The following EDA variants were observed in gnomAD, a reference collection of about 807,000 sequenced individuals.
The protein encoded by EDA is ectodysplasin-A.
Under a neutral mutation model 23.6 loss-of-function variants are expected in EDA, and 2 were observed. The observed-to-expected ratio is 0.08, with a 90% CI of 0.03 to 0.27. The LOEUF (loss-of-function observed/expected upper bound fraction) is 0.27, where lower values mean the gene tolerates loss of function less well. EDA is among the 10% of genes least tolerant of loss of function. The probability of loss-of-function intolerance (pLI) is 1.00; values close to 1 mark genes in which losing one functional copy is unlikely to be tolerated. For missense variants in EDA, 229 were observed against 324.2 expected, an observed-to-expected ratio of 0.71 and a Z score of 2.26; for synonymous variants, 131 against 132.0, an observed-to-expected ratio of 0.99 and a Z score of 0.05.
chrX:69,995,494 T>G (rs901748456), intron 2 of EDA, among the ~76,000 whole-genome samples: 1 of 111,675 alleles, frequency 9.0e-6, no homozygotes, highest in African/African-American at 3.3e-5. Context: ...CAATTGGCTG[T>G]TTTTCTTTTT....
At chrX:69,791,528 G>T (rs181400834) in intron 1 of EDA, among the ~76,000 whole-genome samples, 1 of 112,133 alleles carries the variant, frequency 8.9e-6, no homozygotes, top group East Asian at 2.8e-4. Flanking sequence ...TAGAAAATAA[G>T]TGTGATATTC....
At chrX:69,817,897 C>G (rs2016117703) in intron 1 of EDA, among the ~76,000 whole-genome samples, 1 of 111,810 alleles carries the variant, frequency 8.9e-6, no homozygotes, top group Admixed American at 9.5e-5. Flanking sequence ...ACAGAACTCT[C>G]CACCTCAAAA....
At chrX:69,829,274 G>T (rs1239391578) in intron 1 of EDA, among the ~76,000 whole-genome samples, 2 of 111,218 alleles carry the variant, frequency 1.8e-5, no homozygotes, top group Non-Finnish European at 3.8e-5. Context: ...CACATTTAGG[G>T]TTTTTTTTAT....
chrX:69,848,176 G>A (rs2017048090), intron 1 of EDA, among the ~76,000 whole-genome samples: 1 of 111,559 alleles, frequency 9.0e-6, no homozygotes, highest in Non-Finnish European at 1.9e-5. Flanking sequence ...AATATAAAAG[G>A]ACATTATAAC....
At chrX:69,725,436 T>C (rs1157961381) in intron 1 of EDA, among the ~76,000 whole-genome samples, 2 of 112,570 alleles carry the variant, frequency 1.8e-5, no homozygotes, top group Admixed American at 1.9e-4. Flanking sequence ...TCTGTGAGCA[T>C]TTTTTGACAC....
chrX:70,005,315 A>G (rs892490564), intron 2 of EDA, among the ~76,000 whole-genome samples: 2 of 111,417 alleles, frequency 1.8e-5, no homozygotes, highest in Non-Finnish European at 3.8e-5. Flanking sequence ...ACTGTGATTC[A>G]ATGGAAGGTA....
In EDA at chrX:69,739,889, C is replaced by A. The variant is rs755650756; in HGVS notation, c.396+123185C>A. 6.3e-5 allele frequency among the ~76,000 whole-genome samples: 7 copies of A among 110,684 alleles called. No homozygotes were observed. In the South Asian group the frequency reaches 2.6e-3, roughly 42 times the overall value. ...AGCAAAAACATTGTTATATGTATTG[C>A]CTTATATAATTTGTATATTTTAAAG... On this transcript the variant is annotated intron_variant, in intron 1 of 7. Transcript: ENST00000374552.
In EDA at chrX:69,675,723, T is replaced by C. The variant is rs1224842509; in HGVS notation, c.396+59019T>C. On this transcript the variant is annotated intron_variant, in intron 1 of 7. Coordinates refer to ENST00000374552, the MANE Select transcript of EDA (RefSeq NM_001399.5). ...AAAATTCTGGCCCTCACAGAGCCAA[T>C]AGTCTAGTGGAGGAAGACACACAAG... Among the ~76,000 whole-genome samples, 7 of 111,561 alleles carry C rather than the reference T, an allele frequency of 6.3e-5. No individual in the cohort carries two copies. In the East Asian group the frequency reaches 2.0e-3, roughly 31 times the overall value.
intron 1 of EDA, among the ~76,000 whole-genome samples, chrX:69,875,836 T>G (rs2017635325): frequency 9.0e-6 from 1 of 111,385 alleles, no homozygotes; most frequent in South Asian, 3.8e-4. Context: ...AGGACATGAA[T>G]AGACAGTTCT....
rs184544654 is a variant in EDA at position 69,770,239 on chromosome X, G to A, written c.396+153535G>A. Among the ~76,000 whole-genome samples, 304 of 111,591 alleles carry A rather than the reference G, an allele frequency of 2.7e-3. 3 individuals carry two copies. Among genetic ancestry groups the A allele is most frequent in the African/African-American group, 8.8e-3 (271 of 30,745 alleles). On this transcript the variant is annotated intron_variant, in intron 1 of 7. Coordinates refer to ENST00000374552, the MANE Select transcript of EDA (RefSeq NM_001399.5). The stretch of plus-strand genomic sequence containing the variant: ...GCATAAATATAAGTTTCCATTTCCC[G>A]GGATTATTGCTCAAGAGTGCAATTG...
At chrX:69,827,331 G>A (rs1342886327) in intron 1 of EDA, among the ~76,000 whole-genome samples, 5 of 111,781 alleles carry the variant, frequency 4.5e-5, no homozygotes, top group African/African-American at 1.3e-4. Context: ...TCACTTTCAG[G>A]TACACCAATC....
chrX:69,793,444 T>C (rs975716042), intron 1 of EDA, among the ~76,000 whole-genome samples: 3 of 108,934 alleles, frequency 2.8e-5, no homozygotes, highest in Admixed American at 2.0e-4. Context: ...AATTCCAAGG[T>C]AGAGTGATGT....
chrX:69,646,742 T>C (rs1932935576), intron 1 of EDA, among the ~76,000 whole-genome samples: 1 of 112,103 alleles, frequency 8.9e-6, no homozygotes, highest in African/African-American at 3.2e-5. Context: ...GTCATCTTGA[T>C]GATAGCTGGT....
chrX:69,788,250 G>C (rs971598197), intron 1 of EDA, among the ~76,000 whole-genome samples: 1 of 112,207 alleles, frequency 8.9e-6, no homozygotes, highest in Non-Finnish European at 1.9e-5. Flanking sequence ...TCCTCCCGTA[G>C]CTCGGAGTAA....
intron 2 of EDA, among the ~76,000 whole-genome samples, chrX:69,964,005 G>A (rs997757320): frequency 9.0e-6 from 1 of 111,537 alleles, no homozygotes; most frequent in Non-Finnish European, 1.9e-5. Flanking sequence ...TATCTCACTT[G>A]CCTAAAGGAA....
At chrX:69,859,794 A>G (rs1241358425) in intron 1 of EDA, among the ~76,000 whole-genome samples, 2 of 111,153 alleles carry the variant, frequency 1.8e-5, no homozygotes, top group Admixed American at 9.6e-5. Context: ...TTTTGTCTCA[A>G]TGATCTGTCT....
chrX:69,973,066 T>G (rs906077305), intron 2 of EDA, among the ~76,000 whole-genome samples: 2 of 111,967 alleles, frequency 1.8e-5, no homozygotes, highest in Non-Finnish European at 3.8e-5. Flanking sequence ...TGAACTTGCA[T>G]GCAGTCTGGG....
At chrX:70,003,905 C>G (rs2147479707) in intron 2 of EDA, among the ~76,000 whole-genome samples, 1 of 111,827 alleles carries the variant, frequency 8.9e-6, no homozygotes, top group African/African-American at 3.3e-5. Context: ...CTGGTGCTCT[C>G]TAGAACACAG....
At chrX:69,645,671 C>T (rs1223798146) in intron 1 of EDA, among the ~76,000 whole-genome samples, 2 of 92,872 alleles carry the variant, frequency 2.2e-5, no homozygotes, top group Non-Finnish European at 4.3e-5. Context: ...TACATGTGCA[C>T]AATGTGCACG....
Sources: gnomAD v4.1 joint callset for allele counts (sites outside exome capture counted in the v4.1 genomes callset) on GRCh38, gnomAD v4.1.1 for gene constraint, MANE v1.5 for transcripts, NCBI Gene and HGNC (gene_info 2026-07-23, HGNC 2026-07-21) for gene names.